MINK1: variants seen among roughly 807,000 people sequenced by gnomAD.
The protein encoded by MINK1 is misshapen like kinase 1.
Under a neutral mutation model 178.4 loss-of-function variants are expected in MINK1, and 46 were observed. The ratio of observed to expected loss-of-function variants is 0.26; its 90% CI spans 0.20 to 0.33. The LOEUF is 0.33. MINK1 is among the 10% of genes least tolerant of loss of function. MINK1 has a pLI of 1.00. For missense variants in MINK1, 1,366 were observed against 1,814.9 expected, an observed-to-expected ratio of 0.75 and a Z score of 4.49; for synonymous variants, 797 against 709.7, an observed-to-expected ratio of 1.12 and a Z score of -1.96.
intron 1 of MINK1, among the ~76,000 whole-genome samples, chr17:4,843,321 A>T (rs1910529422): frequency 6.6e-6 from 1 of 152,054 alleles, no homozygotes; most frequent in African/African-American, 2.4e-5. Flanking sequence ...TACTAAAAAT[A>T]CAAAAAATTA....
chr17:4,846,576 T>C (rs1040202085), intron 1 of MINK1, among the ~76,000 whole-genome samples: 2 of 152,220 alleles, frequency 1.3e-5, no homozygotes, highest in African/African-American at 2.4e-5. Flanking sequence ...GGTGTTATCC[T>C]ACAGTCTGCC....
At position 4,896,788 on chromosome 17, in the gene MINK1, A is replaced by G; in HGVS notation, c.3890A>G (p.Lys1297Arg). 1 of 1,578,208 alleles carries G rather than the reference A, an allele frequency of 6.3e-7. No individual in the cohort carries two copies. Among genetic ancestry groups the G allele is most frequent in the Non-Finnish European group, 8.6e-7 (1 of 1,161,966 alleles). The part of the protein sequence containing the change: ...VFMHKRAQRL[K>R]FLCERNDKVF... ...ATGCACAAACGAGCTCAGAGGCTCAAGTTCCTGTGTGAGCGGAATGACAAG... is the reference window on the plus strand; with the variant it reads ...ATGCACAAACGAGCTCAGAGGCTCAGGTTCCTGTGTGAGCGGAATGACAAG... The change falls in exon 31 of 32, where the codon AAG becomes AGG. Residue 1297 changes from lysine to arginine, a missense_variant. Lys to Arg is a conservative substitution (Grantham distance 26). Around this residue, in one of 14 missense-constraint regions of MINK1, gnomAD observed 201 missense variants for 240.7 expected, o/e 0.84. Transcript: ENST00000355280. The surrounding 1 kb of genome is among the most constrained non-coding windows in gnomAD (Gnocchi z 4.6).
chr17:4,893,350 C>A, intron 20 of MINK1, 84 bp from the exon 21 acceptor site: 1 of 1,613,230 alleles, frequency 6.2e-7, no homozygotes, highest in South Asian at 1.1e-5. Flanking sequence ...CCTCCTGTCG[C>A]CCTGCTGGGG....
intron 1 of MINK1, among the ~76,000 whole-genome samples, chr17:4,866,941 C>T (rs1915071435): frequency 2.0e-5 from 3 of 151,000 alleles, no homozygotes; most frequent in African/African-American, 7.3e-5. Flanking sequence ...GGCGTGGTGG[C>T]GGGCGCCTGT....
At position 4,833,805 on chromosome 17, in the gene MINK1, G is replaced by A. The variant is rs1037678866; in HGVS notation, c.57+165G>A. ...GGACTCCCGCCGCGGCTGGGCCCCCGCCCTCTGCTCCCTTCTCTCTCCACT... is the reference window on the plus strand; with the variant it reads ...GGACTCCCGCCGCGGCTGGGCCCCCACCCTCTGCTCCCTTCTCTCTCCACT... On this transcript the variant is annotated intron_variant, in intron 1 of 31. Transcript: ENST00000355280. This position sits in a 1 kb window ranked among gnomAD's most constrained non-coding sequence, Gnocchi z 4.8. Among the ~76,000 whole-genome samples, 4 of 152,124 alleles carry A rather than the reference G, an allele frequency of 2.6e-5. No homozygotes were observed. The highest frequency in any genetic ancestry group is 5.9e-5 in the Non-Finnish European group (4 of 68,020).
Position 4,886,523 on chromosome 17 carries a change from G to A in MINK1, c.846G>A (p.Gln282=), listed in dbSNP as rs759337113. The A allele has an allele frequency of 1.9e-5, 31 of 1,613,608 alleles. No individual in the cohort carries two copies. Among genetic ancestry groups the A allele is most frequent in the Non-Finnish European group, 2.3e-5 (27 of 1,179,784 alleles). Residue 282 remains glutamine (Q), a synonymous_variant, in exon 10 of 32, where the codon CAG becomes CAA. Transcript: ENST00000355280. The surrounding 1 kb of genome is among the most constrained non-coding windows in gnomAD (Gnocchi z 6.1). The part of the protein sequence containing the change: ...KTYLSRPPTE[Q]LLKFPFIRDQ... Reference sequence around the variant, plus strand: ...ACCTGAGCCGCCCACCCACGGAGCAGCTACTGAAGTTTCCCTTCATCCGGG... The same window carrying A: ...ACCTGAGCCGCCCACCCACGGAGCAACTACTGAAGTTTCCCTTCATCCGGG...
chr17:4,851,723 G>A lies in MINK1; in HGVS notation c.57+18083G>A, dbSNP rs114387075. Among the ~76,000 whole-genome samples, 632 of 152,020 alleles carry A rather than the reference G, an allele frequency of 4.2e-3. 3 individuals are homozygous for A. The highest frequency in any genetic ancestry group is 0.015 in the African/African-American group (611 of 41,436). ...CCTTAAGAAAGTCCACTCTCGGGCC[G>A]TGCGTGGTGGCTCACGCCTGTAATC... On this transcript the variant is annotated intron_variant, in intron 1 of 31. Coordinates refer to ENST00000355280, the MANE Select transcript of MINK1 (RefSeq NM_153827.5).
At chr17:4,891,196 GCGCGCA>G (rs1225660551) in intron 15 of MINK1, 72 bp downstream of exon 15, 19 of 849,992 alleles carry the variant, frequency 2.2e-5, no homozygotes, top group African/African-American at 6.4e-5. Context: ...ACACACACAC[GCGCGCA>G]CACACACACA....
At chr17:4,893,848 G>T in intron 21 of MINK1, 140 bp from the exon 22 acceptor site, 1 of 864,450 alleles carries the variant, frequency 1.2e-6, no homozygotes, top group South Asian at 1.9e-5. Flanking sequence ...TCACGGTGGA[G>T]CAGGGGCTAC....
At chr17:4,890,065 C>A in intron 13 of MINK1, 1 of 499,706 alleles carries the variant, frequency 2.0e-6, no homozygotes, top group South Asian at 2.4e-5. Flanking sequence ...CCCTGGGGCT[C>A]ATGTCATCCC....
In MINK1 at chr17:4,887,551, C is replaced by T; in HGVS notation, c.1020-29C>T. On this transcript the variant is annotated intron_variant, in intron 11 of 31. Coordinates refer to ENST00000355280, the MANE Select transcript of MINK1 (RefSeq NM_153827.5). The surrounding 1 kb of genome is among the most constrained non-coding windows in gnomAD (Gnocchi z 7.6). The stretch of plus-strand genomic sequence containing the variant: ...GTGGGAACCAACAGGGTTCTGACCC[C>T]AGTGCTTCTTTGTGCCACCCCTGCC... The T allele has an allele frequency of 2.0e-6, 3 of 1,474,582 alleles. No homozygotes were observed. Among genetic ancestry groups the T allele is most frequent in the Non-Finnish European group, 2.7e-6 (3 of 1,110,772 alleles). The allele number at this position is 1,474,582 out of a possible 1,614,324, so 91.3% of individuals were successfully genotyped here.
In MINK1 at chr17:4,895,585, G is replaced by A; in HGVS notation, c.3229+92G>A. 2 of 1,547,882 alleles carry A rather than the reference G, an allele frequency of 1.3e-6. No homozygotes were observed. Among genetic ancestry groups the A allele is most frequent in the Non-Finnish European group, 1.7e-6 (2 of 1,143,904 alleles). The stretch of plus-strand genomic sequence containing the variant: ...CTGGGAGGAGGGCAGGCACTGGAAG[G>A]TGGGGCCACACTTTCTCACCCCTTG... On this transcript the variant is annotated intron_variant, in intron 26 of 31. Coordinates refer to ENST00000355280, the MANE Select transcript of MINK1 (RefSeq NM_153827.5). The surrounding 1 kb of genome is among the most constrained non-coding windows in gnomAD (Gnocchi z 4.3).
intron 1 of MINK1, among the ~76,000 whole-genome samples, chr17:4,860,087 G>T (rs570282357): frequency 6.6e-6 from 1 of 151,944 alleles, no homozygotes; most frequent in Non-Finnish European, 1.5e-5. Context: ...ACTACTTGCC[G>T]CATGCGGAGC....
At chr17:4,844,430 C>A (rs1353222028) in intron 1 of MINK1, 2 of 431,266 alleles carry the variant, frequency 4.6e-6, no homozygotes, top group Admixed American at 2.9e-5. Context: ...TGGAATATGG[C>A]CTGTTTCATG....
rs1969246463 is a variant in MINK1, at chr17:4,894,654, C to G, written c.2917+21C>G. The G allele has an allele frequency of 5.7e-6, 9 of 1,569,984 alleles. No individual in the cohort carries two copies. The highest frequency in any genetic ancestry group is 1.2e-5 in the South Asian group (1 of 86,768). ...CACAGGTGAGGACAGGAGGACAGAC[C>G]TGCTGTGAGGCCAGGGTCCAGGGGC... On this transcript the variant is annotated intron_variant, in intron 24 of 31. Coordinates refer to ENST00000355280, the MANE Select transcript of MINK1 (RefSeq NM_153827.5). This position sits in a 1 kb window ranked among gnomAD's most constrained non-coding sequence, Gnocchi z 4.1.
In MINK1 at chr17:4,858,251, T is replaced by A. The variant is rs568576134; in HGVS notation, c.58-20066T>A. 5.9e-5 allele frequency among the ~76,000 whole-genome samples: 9 copies of A among 152,096 alleles called. No homozygotes were observed. In the East Asian group the frequency reaches 1.5e-3, roughly 26 times the overall value. ...TCCTCTCTGTGTGGGCCTTCTGGAT[T>A]ACAGGAAGAGCTCAGGAAAACAGGC... On this transcript the variant is annotated intron_variant, in intron 1 of 31. Coordinates refer to ENST00000355280, the MANE Select transcript of MINK1 (RefSeq NM_153827.5).
At chr17:4,856,172 TG>T (rs1913104201) in intron 1 of MINK1, among the ~76,000 whole-genome samples, 1 of 152,130 alleles carries the variant, frequency 6.6e-6, no homozygotes, top group Non-Finnish European at 1.5e-5. Flanking sequence ...CCAAGCACCT[TG>T]GGGTATAAGT....
intron 13 of MINK1, 88 bp downstream of exon 13, chr17:4,889,851 T>TC (rs1352515142): frequency 1.2e-6 from 1 of 851,668 alleles, no homozygotes; most frequent in African/African-American, 2.1e-5. Flanking sequence ...CCCCCTTCTC[T>TC]CCCCCACCCC....
At chr17:4,844,646 T>C (rs776171182) in intron 1 of MINK1, 2 of 454,264 alleles carry the variant, frequency 4.4e-6, no homozygotes, top group Non-Finnish European at 4.3e-6. Context: ...ACGGGGCTCG[T>C]ACCCAGAACT....
Sources: gnomAD v4.1 joint callset for allele counts (sites outside exome capture counted in the v4.1 genomes callset) on GRCh38, gnomAD v4.1.1 for gene constraint, gnomAD v4.1.1 regional missense constraint, Gnocchi (gnomAD v3.1) non-coding constraint, MANE v1.5 for transcripts, NCBI Gene and HGNC (gene_info 2026-07-23, HGNC 2026-07-21) for gene names.